ATP10A: variants seen among roughly 807,000 people sequenced by gnomAD.
ATP10A encodes the protein ATPase phospholipid transporting 10A (putative).
Under a neutral mutation model 147.8 loss-of-function variants are expected in ATP10A, and 111 were observed. That is an observed-to-expected ratio of 0.75 (90% confidence interval 0.64 to 0.88). The LOEUF is 0.88. Among genes scored for constraint, ATP10A ranks in the 40% least tolerant of loss-of-function variants. The pLI is 0.00. For synonymous variants in ATP10A, 875 were observed against 841.6 expected (o/e 1.04, Z -0.69); for missense variants, 1,927 against 1,959.0 (o/e 0.98, Z 0.31).
At chr15:25,694,731 G>GC (rs1900216441) in intron 14 of ATP10A, 88 bp downstream of exon 14, 1 of 1,187,434 alleles carries the variant, frequency 8.4e-7, no homozygotes, top group Admixed American at 2.5e-5. Flanking sequence ...GTGAGGAAGT[G>GC]TTTTCCCATC....
intron 2 of ATP10A, among the ~76,000 whole-genome samples, chr15:25,747,829 A>G (rs1887926535): frequency 6.6e-6 from 1 of 152,252 alleles, no homozygotes; most frequent in Non-Finnish European, 1.5e-5. Context: ...ACATTCACTT[A>G]CATAAACTCT....
chr15:25,696,193 C>T (rs779904248), intron 13 of ATP10A, among the ~76,000 whole-genome samples: 3 of 152,178 alleles, frequency 2.0e-5, no homozygotes, highest in African/African-American at 4.8e-5. Context: ...GTTCAACACA[C>T]GCTTACTGAG....
chr15:25,765,647 G>A (rs1227469553), intron 2 of ATP10A, among the ~76,000 whole-genome samples: 1 of 152,194 alleles, frequency 6.6e-6, no homozygotes, highest in Non-Finnish European at 1.5e-5. Context: ...GAAGCTCCCA[G>A]CCCTGGACAG....
At chr15:25,694,540 G>A (rs2140319392) in intron 14 of ATP10A, among the ~76,000 whole-genome samples, 1 of 152,330 alleles carries the variant, frequency 6.6e-6, no homozygotes, top group East Asian at 1.9e-4. Flanking sequence ...CTTGTGTGCT[G>A]TCTCCTGAGA....
intron 1 of ATP10A, among the ~76,000 whole-genome samples, chr15:25,813,052 A>G (rs1891498999): frequency 6.6e-6 from 1 of 152,202 alleles, no homozygotes; most frequent in African/African-American, 2.4e-5. Context: ...ACACGGGCAG[A>G]TGAAGTTTGT....
intron 1 of ATP10A, among the ~76,000 whole-genome samples, chr15:25,792,928 T>C (rs183003482): frequency 6.7e-6 from 1 of 150,046 alleles, no homozygotes; most frequent in African/African-American, 2.5e-5. Flanking sequence ...TGGAGTGCAG[T>C]GGTGCGATCC....
intron 2 of ATP10A, among the ~76,000 whole-genome samples, chr15:25,778,246 TAA>T (rs1358600685): frequency 6.6e-6 from 1 of 152,180 alleles, no homozygotes; most frequent in Non-Finnish European, 1.5e-5. Context: ...GTATTTCACA[TAA>T]GTCAGTGTAC....
chr15:25,688,006 C>A (rs1468977255), intron 15 of ATP10A, 178 bp from the exon 16 acceptor site: 2 of 752,244 alleles, frequency 2.7e-6, no homozygotes, highest in Non-Finnish European at 4.5e-6. Context: ...CCTTCCGTTA[C>A]AAAAGAGGCA....
chr15:25,855,383 C>A (rs1159077127), intron 1 of ATP10A, among the ~76,000 whole-genome samples: 1 of 152,130 alleles, frequency 6.6e-6, no homozygotes, highest in Non-Finnish European at 1.5e-5. Context: ...ATAAAAGCTA[C>A]ATGATCATTT....
intron 7 of ATP10A, among the ~76,000 whole-genome samples, chr15:25,720,613 G>A (rs964205397): frequency 6.6e-6 from 1 of 152,128 alleles, no homozygotes; most frequent in African/African-American, 2.4e-5. Context: ...GGGAAAAAGA[G>A]AGGAGAGGGA....
At position 25,781,018 on chromosome 15, in the gene ATP10A, C is replaced by T. The variant is rs1384031887; in HGVS notation, c.654+1G>A. The T allele has an allele frequency of 6.2e-7, 1 of 1,613,468 alleles. No individual in the cohort carries two copies. The highest frequency in any genetic ancestry group is 8.5e-7 in the Non-Finnish European group (1 of 1,179,970). On this transcript the variant is annotated splice_donor_variant, in intron 2 of 20. Coordinates refer to ENST00000555815, the MANE Select transcript of ATP10A (RefSeq NM_024490.4). LOFTEE classifies it high-confidence loss of function. ...AGGCCCTGGAAACGTGGGTCACTTACAAGCTCCGAGAAGCCGCGGACCACC... is the reference window on the plus strand; with the variant it reads ...AGGCCCTGGAAACGTGGGTCACTTATAAGCTCCGAGAAGCCGCGGACCACC...
intron 8 of ATP10A, among the ~76,000 whole-genome samples, chr15:25,717,629 C>A (rs1901902036): frequency 6.6e-6 from 1 of 152,172 alleles, no homozygotes; most frequent in East Asian, 1.9e-4. Flanking sequence ...GGTTTAGAAG[C>A]ACATGAGAGA....
At position 25,781,033 on chromosome 15, in the gene ATP10A, C is replaced by T. The variant is rs747742914; in HGVS notation, c.640G>A (p.Gly214Ser). 6 of 1,613,756 alleles carry T rather than the reference C, an allele frequency of 3.7e-6. No homozygotes were observed. Among genetic ancestry groups the T allele is most frequent in the Non-Finnish European group, 4.2e-6 (5 of 1,180,026 alleles). Residue 214 changes from glycine to serine, a missense_variant, in exon 2 of 21, where the codon GGC (glycine) becomes AGC (serine). By Grantham distance (56) the Gly-to-Ser change is moderately conservative. Coordinates refer to ENST00000555815, the MANE Select transcript of ATP10A (RefSeq NM_024490.4). ...TNLKRRQVVR[G>S]FSELVSEFNP... ...GGGTCACTTACAAGCTCCGAGAAGC[C>T]GCGGACCACCTGCCGCCGCTTCAGG... is the stretch of plus-strand genomic sequence containing the variant.
chr15:25,790,055 A>G (rs1026350873), intron 1 of ATP10A, among the ~76,000 whole-genome samples: 5 of 152,228 alleles, frequency 3.3e-5, no homozygotes, highest in Non-Finnish European at 7.3e-5. Flanking sequence ...GCACTGAAAC[A>G]GCAATGGCAA....
In ATP10A at chr15:25,725,991, A is replaced by G; in HGVS notation, c.939T>C (p.Cys313=). Residue 313 remains cysteine, a synonymous_variant, in exon 5 of 21, where the codon TGT becomes TGC. Transcript: ENST00000555815. The part of the protein sequence containing the change: ...ERQMNCDVLW[C]VLLLVCMSLF... ...GAGACATGCAAACAAGGAGCAGGAC[A>G]CACCAGAGCACGTCGCAGTTCATCT... 1 of 1,614,080 alleles carries G rather than the reference A, an allele frequency of 6.2e-7. No homozygotes were observed. Among genetic ancestry groups the G allele is most frequent in the Non-Finnish European group, 8.5e-7 (1 of 1,179,962 alleles).
chr15:25,772,549 A>C (rs2140670468), intron 2 of ATP10A, among the ~76,000 whole-genome samples: 1 of 152,234 alleles, frequency 6.6e-6, no homozygotes, highest in East Asian at 1.9e-4. Flanking sequence ...CCGGATGAGC[A>C]AACCAGCTAT....
At chr15:25,786,934 C>T (rs982802449) in intron 1 of ATP10A, among the ~76,000 whole-genome samples, 3 of 151,826 alleles carry the variant, frequency 2.0e-5, no homozygotes, top group Non-Finnish European at 4.4e-5. Context: ...CGTGCCTGGC[C>T]CATTATCATC....
chr15:25,856,842 C>A (rs1169333078), intron 1 of ATP10A, among the ~76,000 whole-genome samples: 3 of 152,100 alleles, frequency 2.0e-5, no homozygotes, highest in African/African-American at 7.2e-5. Flanking sequence ...TCCTACCAAT[C>A]CACAGGAATT....
intron 14 of ATP10A, among the ~76,000 whole-genome samples, chr15:25,694,516 G>A (rs1356230259): frequency 6.6e-6 from 1 of 152,206 alleles, no homozygotes; most frequent in African/African-American, 2.4e-5. Context: ...GGACAGACTG[G>A]GACAGGCAGG....
Sources: gnomAD v4.1 joint callset for allele counts (sites outside exome capture counted in the v4.1 genomes callset) on GRCh38, gnomAD v4.1.1 for gene constraint, MANE v1.5 for transcripts, NCBI Gene and HGNC (gene_info 2026-07-23, HGNC 2026-07-21) for gene names.